The following GRAMD1B variants were observed in gnomAD, a reference collection of about 807,000 sequenced individuals.
The protein encoded by GRAMD1B is GRAM domain containing 1B, also known as protein Aster-B.
A neutral mutation model predicts 99.7 loss-of-function variants in GRAMD1B; 37 were observed. That is an observed-to-expected ratio of 0.37 (90% CI 0.29 to 0.49). GRAMD1B has a LOEUF of 0.49. Among genes scored for constraint, GRAMD1B ranks in the 20% least tolerant of loss-of-function variants. GRAMD1B has a pLI of 0.98. For missense variants in GRAMD1B, 888 were observed against 1,009.2 expected, an observed-to-expected ratio of 0.88 and a Z score of 1.63; for synonymous variants, 427 against 387.6, an observed-to-expected ratio of 1.10 and a Z score of -1.19.
chr11:123,386,774 A>G (rs1947076513), intron 1 of GRAMD1B, among the ~76,000 whole-genome samples: 1 of 152,152 alleles, frequency 6.6e-6, no homozygotes, highest in Non-Finnish European at 1.5e-5. Flanking sequence ...TCCTTAAAAA[A>G]CAGAAAGCTG....
intron 18 of GRAMD1B, 125 bp from the exon 19 acceptor site, chr11:123,618,982 C>T (rs187219831): frequency 5.8e-5 from 40 of 687,610 alleles, no homozygotes; most frequent in Middle Eastern, 3.9e-4. Context: ...ACAGGGGAAC[C>T]GGGGGCAGTG....
At chr11:123,467,416 T>A (rs73025952) in intron 1 of GRAMD1B, among the ~76,000 whole-genome samples, 2,198 of 139,344 alleles carry the variant, frequency 0.016, 43 homozygotes, top group Middle Eastern at 0.024. Flanking sequence ...TTTTTTTTTT[T>A]ACTGACTTTC....
At chr11:123,515,690 G>C (rs73027917) in intron 2 of GRAMD1B, among the ~76,000 whole-genome samples, 1 of 151,762 alleles carries the variant, frequency 6.6e-6, no homozygotes, top group Admixed American at 6.6e-5. Flanking sequence ...CTGAAACATA[G>C]AACTACCACC....
chr11:123,599,752 C>T (rs1951725065), intron 7 of GRAMD1B, among the ~76,000 whole-genome samples: 3 of 152,220 alleles, frequency 2.0e-5, no homozygotes, highest in East Asian at 1.9e-4. Flanking sequence ...GGATTACAGG[C>T]GTAAGCCATG....
At chr11:123,588,908 C>CAT (rs922913596) in intron 4 of GRAMD1B, among the ~76,000 whole-genome samples, 74 of 152,072 alleles carry the variant, frequency 4.9e-4, no homozygotes, top group African/African-American at 1.7e-3. Context: ...GGAATATTTG[C>CAT]ATATATATAT....
intron 2 of GRAMD1B, among the ~76,000 whole-genome samples, chr11:123,505,666 A>G (rs912851527): frequency 6.6e-6 from 1 of 152,154 alleles, no homozygotes; most frequent in African/African-American, 2.4e-5. Flanking sequence ...CTCAAGATTC[A>G]CAGATGGTGG....
intron 1 of GRAMD1B, among the ~76,000 whole-genome samples, chr11:123,475,297 T>C (rs1951213153): frequency 6.6e-6 from 1 of 152,190 alleles, no homozygotes; most frequent in Non-Finnish European, 1.5e-5. Context: ...CCTGTGGATT[T>C]TTCCCAGTCC....
intron 4 of GRAMD1B, among the ~76,000 whole-genome samples, chr11:123,585,479 C>T (rs761701839): frequency 1.2e-4 from 18 of 152,172 alleles, no homozygotes; most frequent in Non-Finnish European, 2.2e-4. Context: ...TGCCCAGCAC[C>T]GCAAACAAGG....
intron 7 of GRAMD1B, among the ~76,000 whole-genome samples, chr11:123,596,837 G>GT (rs1356782986): frequency 2.0e-5 from 3 of 152,192 alleles, no homozygotes; most frequent in Non-Finnish European, 4.4e-5. Context: ...TCAGATGACT[G>GT]TGCTTATAAG....
In GRAMD1B at chr11:123,539,196, C is replaced by G. The variant is rs1944264544; in HGVS notation, c.453-38171C>G. ...TGAACCATAATCATGCTACTATACT[C>G]TAGCCAGGGTGACAGGGTAAGACCC... On this transcript the variant is annotated intron_variant, in intron 2 of 19. Coordinates refer to ENST00000635736, the MANE Select transcript of GRAMD1B (RefSeq NM_001387025.1). Among the ~76,000 whole-genome samples the G allele has an allele frequency of 2.0e-5, 3 of 152,110 alleles. 1 individual carries two copies. In the South Asian group the frequency reaches 6.2e-4, roughly 31 times the overall value.
Position 123,594,857 on chromosome 11 carries a change from T to C in GRAMD1B, c.873+19T>C, listed in dbSNP as rs772227845. Reference sequence around the variant, plus strand: ...AACTCTGGTAAAGACCTGGGCATGCTCCCTTGGGCTGTCTCCTTGGCTATG... The same window carrying C: ...AACTCTGGTAAAGACCTGGGCATGCCCCCTTGGGCTGTCTCCTTGGCTATG... On this transcript the variant is annotated intron_variant, in intron 6 of 19. Transcript: ENST00000635736. The C allele has an allele frequency of 8.0e-7, 1 of 1,255,146 alleles. No individual in the cohort carries two copies. The highest frequency in any genetic ancestry group is 1.2e-6 in the Non-Finnish European group (1 of 851,978). 77.8% of individuals were successfully genotyped at this position (1,255,146 alleles called of 1,614,324 possible).
At chr11:123,468,072 C>T (rs1266841929) in intron 1 of GRAMD1B, among the ~76,000 whole-genome samples, 1 of 152,022 alleles carries the variant, frequency 6.6e-6, no homozygotes, top group African/African-American at 2.4e-5. Context: ...CCACGTTGGC[C>T]AGGATGGTCT....
At chr11:123,597,982 C>T in intron 7 of GRAMD1B, 1 of 1,215,332 alleles carries the variant, frequency 8.2e-7, no homozygotes, top group Non-Finnish European at 1.2e-6. Flanking sequence ...CATATGTCTT[C>T]TTATTCACAG....
Position 123,610,019 on chromosome 11 carries a change from A to C in GRAMD1B, c.1776+106A>C. 2 of 823,628 alleles carry C rather than the reference A, an allele frequency of 2.4e-6. No individual in the cohort carries two copies. The highest frequency in any genetic ancestry group is 3.1e-5 in the South Asian group (2 of 64,350). The allele number at this position is 823,628 out of a possible 1,614,324, so 51.0% of individuals were successfully genotyped here. Reference sequence around the variant, plus strand: ...GAAGAAGTTTCAGGGCGCAAGTGTCATTTTGCCCCAAAGCGGTGGTGGCGT... The same window carrying C: ...GAAGAAGTTTCAGGGCGCAAGTGTCCTTTTGCCCCAAAGCGGTGGTGGCGT... On this transcript the variant is annotated intron_variant, in intron 13 of 19. Transcript: ENST00000635736. This position sits in a 1 kb window ranked among gnomAD's most constrained non-coding sequence, Gnocchi z 4.1.
intron 2 of GRAMD1B, among the ~76,000 whole-genome samples, chr11:123,539,204 G>T (rs1944264847): frequency 6.6e-6 from 1 of 151,866 alleles, no homozygotes; most frequent in Non-Finnish European, 1.5e-5. Flanking sequence ...CTCTAGCCAG[G>T]GTGACAGGGT....
At chr11:123,501,808 A>T (rs147502773) in intron 2 of GRAMD1B, among the ~76,000 whole-genome samples, 3 of 152,308 alleles carry the variant, frequency 2.0e-5, no homozygotes, top group Non-Finnish European at 4.4e-5. Context: ...CTTGTGTCTT[A>T]CTGATTTTGA....
At chr11:123,363,018 A>G (rs1173813774) in intron 1 of GRAMD1B, among the ~76,000 whole-genome samples, 1 of 152,132 alleles carries the variant, frequency 6.6e-6, no homozygotes, top group African/African-American at 2.4e-5. Flanking sequence ...AACAGATGGA[A>G]CAAGAGGAAG....
chr11:123,604,068 T>A (rs918151407), intron 9 of GRAMD1B, among the ~76,000 whole-genome samples: 1 of 152,162 alleles, frequency 6.6e-6, no homozygotes, highest in Non-Finnish European at 1.5e-5. Context: ...AGATGGACAG[T>A]ACTGTAGGCA....
chr11:123,437,900 C>T (rs949246694), intron 1 of GRAMD1B, among the ~76,000 whole-genome samples: 3 of 152,212 alleles, frequency 2.0e-5, no homozygotes, highest in Admixed American at 6.5e-5. Context: ...CCTCAGCCCC[C>T]GTCACTATTG....
Sources: allele counts gnomAD v4.1 joint callset (sites outside exome capture counted in the v4.1 genomes callset), GRCh38; gene constraint gnomAD v4.1.1; non-coding constraint Gnocchi (gnomAD v3.1); transcripts MANE v1.5; gene names NCBI Gene and HGNC (gene_info 2026-07-23, HGNC 2026-07-21).